The following TUSC3 variants were observed in gnomAD, a reference collection of about 807,000 sequenced individuals.
The protein encoded by TUSC3 is dolichyl-diphosphooligosaccharide--protein glycosyltransferase subunit TUSC3.
TUSC3 carries 45 observed loss-of-function variants against 44.8 expected under a neutral mutation model. The observed-to-expected ratio is 1.00, with a 90% CI of 0.79 to 1.29. The LOEUF (loss-of-function observed/expected upper bound fraction) is 1.29. TUSC3 is among the 50% of genes most tolerant of loss of function. TUSC3 has a pLI of 0.00. For missense variants in TUSC3, 519 were observed against 437.9 expected (o/e 1.19, Z -1.65); for synonymous variants, 212 against 152.9 (o/e 1.39, Z -2.85).
chr8:15,743,818 T>A (rs1162747513), intron 8 of TUSC3, among the ~76,000 whole-genome samples: 1 of 152,128 alleles, frequency 6.6e-6, no homozygotes, highest in Non-Finnish European at 1.5e-5. Context: ...TCGTTTTCTG[T>A]TGATTTGCTT....
chr8:15,754,898 A>C (rs528155918), intron 9 of TUSC3, among the ~76,000 whole-genome samples: 1 of 151,956 alleles, frequency 6.6e-6, no homozygotes, highest in Non-Finnish European at 1.5e-5. Flanking sequence ...TTTTATTTTA[A>C]TCTTAAGCCT....
the TUSC3 span, among the ~76,000 whole-genome samples, chr8:15,810,308 C>T: frequency 2.0e-5 from 3 of 152,090 alleles, no homozygotes; most frequent in African/African-American, 7.2e-5. Context: ...TTCCTCCTTG[C>T]CAATTCACTA....
At chr8:15,467,113 AAGG>A (rs1205832140) in intron 1 of TUSC3, among the ~76,000 whole-genome samples, 2 of 152,050 alleles carry the variant, frequency 1.3e-5, no homozygotes, top group African/African-American at 4.8e-5. Context: ...AGGATTCAGA[AAGG>A]AGGCATAAAT....
chr8:15,692,603 G>A (rs372401875), intron 6 of TUSC3, among the ~76,000 whole-genome samples: 8 of 149,674 alleles, frequency 5.3e-5, no homozygotes, highest in African/African-American at 1.5e-4. Flanking sequence ...GAATTTATCT[G>A]TTTCTTCTAG....
chr8:15,632,723 C>T (rs1327734727), intron 2 of TUSC3, among the ~76,000 whole-genome samples: 2 of 152,156 alleles, frequency 1.3e-5, no homozygotes, highest in Non-Finnish European at 2.9e-5. Flanking sequence ...TCTGTAAAGG[C>T]AAGGTTTGCC....
intron 2 of TUSC3, among the ~76,000 whole-genome samples, chr8:15,638,208 T>C (rs1435081450): frequency 7.0e-6 from 1 of 143,346 alleles, no homozygotes; most frequent in Admixed American, 6.9e-5. Context: ...CTCGTACCCC[T>C]TTTTCCCTGT....
chr8:15,790,739 T>C, the TUSC3 span, among the ~76,000 whole-genome samples: 1 of 151,988 alleles, frequency 6.6e-6, no homozygotes, highest in African/African-American at 2.4e-5. Context: ...ACACAAATGA[T>C]AGAACTGGTA....
intron 6 of TUSC3, among the ~76,000 whole-genome samples, chr8:15,711,107 G>A (rs909478160): frequency 9.2e-5 from 14 of 151,416 alleles, no homozygotes; most frequent in African/African-American, 3.4e-4. Flanking sequence ...TACTACCTCC[G>A]TTTTCTTCGC....
chr8:15,798,025 T>C, the TUSC3 span, among the ~76,000 whole-genome samples: 77 of 152,320 alleles, frequency 5.1e-4, no homozygotes, highest in Middle Eastern at 3.4e-3. Flanking sequence ...GATGCTATAC[T>C]ATGTCCGATA....
intron 1 of TUSC3, among the ~76,000 whole-genome samples, chr8:15,615,077 A>G (rs1467500472): frequency 6.6e-6 from 1 of 152,202 alleles, no homozygotes; most frequent in South Asian, 2.1e-4. Flanking sequence ...CAGAAATACA[A>G]CAACCATAAT....
At chr8:15,774,723 G>A in the TUSC3 span, among the ~76,000 whole-genome samples, 4 of 152,018 alleles carry the variant, frequency 2.6e-5, no homozygotes, top group Non-Finnish European at 5.9e-5. Context: ...ATCACATAAG[G>A]TGCTCAATGT....
At chr8:15,511,444 A>C (rs983659852) in intron 2 of TUSC3, among the ~76,000 whole-genome samples, 5 of 152,244 alleles carry the variant, frequency 3.3e-5, no homozygotes, top group African/African-American at 1.2e-4. Flanking sequence ...TGAAGAACTC[A>C]AAGTCAATAT....
chr8:15,833,325 G>A, the TUSC3 span, among the ~76,000 whole-genome samples: 1 of 152,120 alleles, frequency 6.6e-6, no homozygotes. Context: ...CCTAAAGACA[G>A]AAATACCATT....
intron 3 of TUSC3, among the ~76,000 whole-genome samples, chr8:15,653,273 A>G (rs1806999052): frequency 6.6e-6 from 1 of 152,166 alleles, no homozygotes; most frequent in African/African-American, 2.4e-5. Context: ...TGTAGAAGAA[A>G]TGTAGGCCAC....
Position 15,730,728 on chromosome 8 carries a change from G to T in TUSC3, c.861G>T (p.Leu287=), listed in dbSNP as rs565412030. 5 of 1,612,904 alleles carry T rather than the reference G, an allele frequency of 3.1e-6. No homozygotes were observed. The South Asian group carries it at 5.5e-5, about 18-fold the overall frequency. Reference sequence around the variant, plus strand: ...CAGAATCACACATTATTCTGGTACTGAGTATCCTTTTAAGATACCGACGAA... The same window carrying T: ...CAGAATCACACATTATTCTGGTACTTAGTATCCTTTTAAGATACCGACGAA... The part of the protein sequence containing the change: ...FVAESHIILV[L]NAAITMGMVL... Residue 287 remains leucine, a splice_region_variant and synonymous_variant, in exon 7 of 11, where the codon CTG becomes CTT. Coordinates refer to ENST00000503731, the MANE Select transcript of TUSC3 (RefSeq NM_006765.4).
At chr8:15,708,019 C>A (rs1260856397) in intron 6 of TUSC3, among the ~76,000 whole-genome samples, 1 of 151,836 alleles carries the variant, frequency 6.6e-6, no homozygotes, top group African/African-American at 2.4e-5. Context: ...CTCTTTGTAT[C>A]CTTTTCTGTC....
chr8:15,522,820 C>G (rs1017529822), intron 2 of TUSC3, among the ~76,000 whole-genome samples: 3 of 152,220 alleles, frequency 2.0e-5, no homozygotes, highest in Admixed American at 2.0e-4. Flanking sequence ...CTCTGACAGG[C>G]TCAAGAATTT....
intron 1 of TUSC3, among the ~76,000 whole-genome samples, chr8:15,445,771 C>T (rs375775034): frequency 3.9e-4 from 60 of 152,364 alleles, no homozygotes; most frequent in African/African-American, 1.3e-3. Context: ...CACATTTCCC[C>T]CTTTTCTATT....
At chr8:15,427,229 C>CTT (rs765417646) in intron 1 of TUSC3, among the ~76,000 whole-genome samples, 19,871 of 144,648 alleles carry the variant, frequency 0.14, 1,515 homozygotes, top group Middle Eastern at 0.22. Context: ...AAGGTTTTTC[C>CTT]TTTTTTTTTT....
Sources: gnomAD v4.1 joint callset for allele counts (sites outside exome capture counted in the v4.1 genomes callset) on GRCh38, gnomAD v4.1.1 for gene constraint, MANE v1.5 for transcripts, NCBI Gene and HGNC (gene_info 2026-07-23, HGNC 2026-07-21) for gene names.